The following KLF12 variants were observed in gnomAD, a reference collection of about 807,000 sequenced individuals.
KLF12 encodes the protein KLF transcription factor 12.
A neutral mutation model predicts 37.8 loss-of-function variants in KLF12; 9 were observed. The ratio of observed to expected loss-of-function variants is 0.24; its 90% CI spans 0.14 to 0.42. The LOEUF (loss-of-function observed/expected upper bound fraction) is 0.42. Ranked by LOEUF, KLF12 falls within the 10% of genes least tolerant of loss-of-function variation. KLF12 has a pLI of 1.00. For synonymous variants in KLF12, 208 were observed against 202.1 expected, an observed-to-expected ratio of 1.03 and a Z score of -0.25; for missense variants, 411 against 516.0, an observed-to-expected ratio of 0.80 and a Z score of 1.97.
At chr13:74,032,195 T>C (rs544656972) in intron 1 of KLF12, among the ~76,000 whole-genome samples, 1 of 152,306 alleles carries the variant, frequency 6.6e-6, no homozygotes, top group Admixed American at 6.5e-5. Context: ...AGCTTCCAAA[T>C]CTGTTAGGCA....
intron 4 of KLF12, chr13:73,845,280 T>C (rs1300553400): frequency 6.5e-6 from 1 of 152,710 alleles, no homozygotes; most frequent in Admixed American, 6.5e-5. Flanking sequence ...GATACTACTA[T>C]AGTCAAACAC....
At chr13:73,998,934 A>C (rs1034695644) in intron 1 of KLF12, among the ~76,000 whole-genome samples, 6 of 152,216 alleles carry the variant, frequency 3.9e-5, no homozygotes, top group African/African-American at 1.4e-4. Flanking sequence ...TTGCTAGGTG[A>C]CAGGTGACAC....
chr13:73,868,969 T>C (rs1484718914), intron 3 of KLF12, among the ~76,000 whole-genome samples: 3 of 152,202 alleles, frequency 2.0e-5, no homozygotes, highest in African/African-American at 4.8e-5. Context: ...AGGATAATCA[T>C]TACTCTTGAA....
chr13:74,268,512 T>C, the KLF12 span, among the ~76,000 whole-genome samples: 1 of 152,218 alleles, frequency 6.6e-6, no homozygotes, highest in Admixed American at 6.5e-5. Flanking sequence ...TAAGTGGTTT[T>C]ATCATGTACC....
chr13:74,131,645 G>C (rs1295198299), intron 1 of KLF12, among the ~76,000 whole-genome samples: 1 of 152,160 alleles, frequency 6.6e-6, no homozygotes, highest in Non-Finnish European at 1.5e-5. Context: ...TCAGCTGACT[G>C]CATTGCTAAG....
At chr13:73,936,414 A>G (rs1311623443) in intron 3 of KLF12, among the ~76,000 whole-genome samples, 2 of 152,036 alleles carry the variant, frequency 1.3e-5, no homozygotes, top group African/African-American at 4.8e-5. Flanking sequence ...CTCCACCCTG[A>G]TTTCTGTCAG....
At chr13:74,267,876 A>T in the KLF12 span, among the ~76,000 whole-genome samples, 4 of 152,178 alleles carry the variant, frequency 2.6e-5, no homozygotes, top group East Asian at 1.9e-4. Flanking sequence ...TTAATTTTTT[A>T]AAAAAGAGGC....
At chr13:73,790,696 G>A (rs567481226) in intron 5 of KLF12, among the ~76,000 whole-genome samples, 4 of 152,262 alleles carry the variant, frequency 2.6e-5, no homozygotes, top group East Asian at 1.9e-4. Context: ...TACCAATTTC[G>A]CTAAGAAACC....
chr13:74,221,074 G>A, the KLF12 span, among the ~76,000 whole-genome samples: 1 of 149,124 alleles, frequency 6.7e-6, no homozygotes, highest in Non-Finnish European at 1.5e-5. Flanking sequence ...GTGCTATCTC[G>A]GCTCACTGCA....
At chr13:73,966,381 T>C (rs1425760114) in intron 2 of KLF12, among the ~76,000 whole-genome samples, 1 of 151,626 alleles carries the variant, frequency 6.6e-6, no homozygotes, top group African/African-American at 2.4e-5. Context: ...TAAAGAGAAC[T>C]AAAAGAAAAA....
rs187424600 is a variant in KLF12, at chr13:73,901,120, T to C, written c.123+42861A>G. ...TCTTAATTGTGTTTTTGTGTTGCTG[T>C]TTATGTTGTTTGTTCAAAAACTTCA... is the stretch of plus-strand genomic sequence containing the variant. On this transcript the variant is annotated intron_variant, in intron 3 of 7. Coordinates refer to ENST00000377669, the MANE Select transcript of KLF12 (RefSeq NM_007249.5). Among the ~76,000 whole-genome samples, 369 of 152,346 alleles carry C rather than the reference T, an allele frequency of 2.4e-3. 3 individuals carry two copies. Among genetic ancestry groups the C allele is most frequent in the East Asian group, 5.8e-4 (3 of 5,188 alleles).
intron 1 of KLF12, among the ~76,000 whole-genome samples, chr13:74,125,042 G>C (rs957768266): frequency 1.3e-5 from 2 of 151,838 alleles, no homozygotes; most frequent in African/African-American, 2.4e-5. Context: ...CTACTCGGAA[G>C]GCTGAAGCAG....
At chr13:73,816,915 C>T (rs1883253560) in intron 4 of KLF12, among the ~76,000 whole-genome samples, 2 of 152,234 alleles carry the variant, frequency 1.3e-5, no homozygotes, top group Admixed American at 6.5e-5. Context: ...ACATTACAGT[C>T]ACCAGATGAC....
intron 7 of KLF12, among the ~76,000 whole-genome samples, chr13:73,701,457 C>G (rs1052356823): frequency 1.3e-5 from 2 of 152,194 alleles, no homozygotes; most frequent in African/African-American, 4.8e-5. Flanking sequence ...CACAAGTACA[C>G]AGTCAACCTC....
At chr13:73,724,589 C>T (rs780580556) in intron 6 of KLF12, among the ~76,000 whole-genome samples, 21 of 151,544 alleles carry the variant, frequency 1.4e-4, no homozygotes, top group Non-Finnish European at 4.4e-5. Context: ...ATCTTCCCAC[C>T]TGAGACAGAT....
At chr13:73,789,059 T>A (rs1881511749) in intron 5 of KLF12, among the ~76,000 whole-genome samples, 1 of 151,866 alleles carries the variant, frequency 6.6e-6, no homozygotes, top group Non-Finnish European at 1.5e-5. Context: ...TGAGAATGAC[T>A]TTTTTTTCAT....
Position 73,806,974 on chromosome 13 carries a change from G to C in KLF12, c.806+6178C>G, listed in dbSNP as rs373250072. ...AATAAATAACAAAAAAAAACCCTTAGATTCTAACTTTCTTTGACTGTTAAA... is the reference window on the plus strand; with the variant it reads ...AATAAATAACAAAAAAAAACCCTTACATTCTAACTTTCTTTGACTGTTAAA... On this transcript the variant is annotated intron_variant, in intron 5 of 7. Coordinates refer to ENST00000377669, the MANE Select transcript of KLF12 (RefSeq NM_007249.5). Among the ~76,000 whole-genome samples, 14 of 152,138 alleles carry C rather than the reference G, an allele frequency of 9.2e-5. No individual in the cohort carries two copies. The South Asian group carries it at 2.5e-3, about 27-fold the overall frequency.
the KLF12 span, among the ~76,000 whole-genome samples, chr13:74,152,656 G>A: frequency 6.6e-6 from 1 of 152,068 alleles, no homozygotes; most frequent in Non-Finnish European, 1.5e-5. Flanking sequence ...GCTGAGGTGG[G>A]AGGATCACTT....
intron 3 of KLF12, among the ~76,000 whole-genome samples, chr13:73,881,355 A>C (rs1463115301): frequency 6.6e-6 from 1 of 152,144 alleles, no homozygotes; most frequent in Admixed American, 6.5e-5. Context: ...TTCTTTAGCA[A>C]GGTATGTTTT....
Sources: gnomAD v4.1 joint callset for allele counts (sites outside exome capture counted in the v4.1 genomes callset) on GRCh38, gnomAD v4.1.1 for gene constraint, MANE v1.5 for transcripts, NCBI Gene and HGNC (gene_info 2026-07-23, HGNC 2026-07-21) for gene names.